GIGYF2: variants seen among roughly 807,000 people sequenced by gnomAD.
The protein encoded by GIGYF2 is GRB10 interacting GYF protein 2.
Under a neutral mutation model 208.1 loss-of-function variants are expected in GIGYF2, and 25 were observed. The observed-to-expected ratio is 0.12, with a 90% CI of 0.09 to 0.17. GIGYF2 has a LOEUF of 0.17. Among genes scored for constraint, GIGYF2 ranks in the 10% least tolerant of loss-of-function variants. GIGYF2 has a pLI of 1.00. For synonymous variants in GIGYF2, 534 were observed against 543.8 expected (o/e 0.98, Z 0.25); for missense variants, 1,302 against 1,579.4 (o/e 0.82, Z 2.98).
intron 2 of GIGYF2, among the ~76,000 whole-genome samples, chr2:232,710,574 TCAAA>T (rs1343479984): frequency 6.6e-6 from 1 of 152,190 alleles, no homozygotes; most frequent in Non-Finnish European, 1.5e-5. Flanking sequence ...AGAGAGGCAG[TCAAA>T]CAATCATTTA....
chr2:232,766,158 C>T (rs1255693515), intron 8 of GIGYF2, among the ~76,000 whole-genome samples: 1 of 152,144 alleles, frequency 6.6e-6, no homozygotes, highest in African/African-American at 2.4e-5. Context: ...AACAGTCCTC[C>T]CAGAAACTTT....
chr2:232,702,397 C>A (rs978824637), intron 1 of GIGYF2, among the ~76,000 whole-genome samples: 1 of 151,668 alleles, frequency 6.6e-6, no homozygotes. Context: ...CCAGATCGTG[C>A]CACTGCACTC....
chr2:232,751,423 C>A (rs1320238591), intron 5 of GIGYF2, among the ~76,000 whole-genome samples: 1 of 152,056 alleles, frequency 6.6e-6, no homozygotes, highest in Non-Finnish European at 1.5e-5. Flanking sequence ...CCATGTTGGT[C>A]AGGCTGGTCT....
chr2:232,767,809 C>T (rs1386742784), intron 8 of GIGYF2: 4 of 256,038 alleles, frequency 1.6e-5, no homozygotes, highest in Non-Finnish European at 3.1e-5. Context: ...TGAAACTAAA[C>T]TGTTGCTTCA....
chr2:232,785,179 G>A (rs77285153), intron 8 of GIGYF2, among the ~76,000 whole-genome samples: 4,790 of 151,880 alleles, frequency 0.032, 97 homozygotes, highest in Non-Finnish European at 0.048. Context: ...CCAGAATATA[G>A]TTCTGACATT....
intron 2 of GIGYF2, among the ~76,000 whole-genome samples, chr2:232,723,726 C>CTTT (rs1559383695): frequency 1.0e-5 from 1 of 95,606 alleles, no homozygotes; most frequent in Non-Finnish European, 2.1e-5. Flanking sequence ...CTGTGCCCGG[C>CTTT]CTTTTTTTTT....
intron 3 of GIGYF2, among the ~76,000 whole-genome samples, chr2:232,737,034 A>C (rs1206212116): frequency 6.6e-6 from 1 of 152,194 alleles, no homozygotes; most frequent in African/African-American, 2.4e-5. Context: ...TTGTAAGTAA[A>C]GTTTCATTGA....
At position 232,816,931 on chromosome 2, in the gene GIGYF2, A is replaced by C; in HGVS notation, c.2269A>C (p.Arg757=). The part of the protein sequence containing the change: ...RAKREEEERK[R]QEELRRQQEE... ...AAAACGGGAAGAGGAAGAGCGAAAG[A>C]GGCAGGAAGAACTCCGAAGACAACA... Residue 757 remains arginine, a synonymous_variant, in exon 20 of 29, where the codon AGG becomes CGG. Transcript: ENST00000373563. The C allele has an allele frequency of 6.2e-7, 1 of 1,612,104 alleles. No individual in the cohort carries two copies. Among genetic ancestry groups the C allele is most frequent in the Non-Finnish European group, 8.5e-7 (1 of 1,178,126 alleles).
intron 3 of GIGYF2, among the ~76,000 whole-genome samples, chr2:232,739,483 G>A (rs753896281): frequency 6.7e-6 from 1 of 149,180 alleles, no homozygotes; most frequent in Non-Finnish European, 1.5e-5. Flanking sequence ...AACAAGCCTC[G>A]GCAACACAGT....
At chr2:232,844,789 A>T (rs1239487883) in intron 25 of GIGYF2, among the ~76,000 whole-genome samples, 1 of 152,210 alleles carries the variant, frequency 6.6e-6, no homozygotes, top group African/African-American at 2.4e-5. Flanking sequence ...CTGAGCACTT[A>T]TTCTATCGCC....
At chr2:232,762,250 G>GT (rs1218496602) in intron 8 of GIGYF2, among the ~76,000 whole-genome samples, 19 of 101,558 alleles carry the variant, frequency 1.9e-4, no homozygotes, top group East Asian at 1.2e-3. Context: ...TTTTTTTTTT[G>GT]TTTTTTTTTG....
Position 232,717,519 on chromosome 2 carries a change from T to G in GIGYF2, c.-44+14030T>G, listed in dbSNP as rs80046625. On this transcript the variant is annotated intron_variant, in intron 2 of 28. Transcript: ENST00000373563. ...TCTCCTCTTCCCATGATGAGTACTT[T>G]CCTGACATCTATCACCATTTATTAT... Among the ~76,000 whole-genome samples, 778 of 152,322 alleles carry G rather than the reference T, an allele frequency of 5.1e-3. 4 individuals carry two copies. The highest frequency in any genetic ancestry group is 0.018 in the African/African-American group (754 of 41,570).
At chr2:232,799,743 A>G (rs1700335105) in intron 14 of GIGYF2, among the ~76,000 whole-genome samples, 1 of 152,118 alleles carries the variant, frequency 6.6e-6, no homozygotes, top group Non-Finnish European at 1.5e-5. Flanking sequence ...ATACCATTTT[A>G]CATTCTCAAA....
chr2:232,771,138 C>T (rs1348552377), intron 8 of GIGYF2: 1 of 1,614,076 alleles, frequency 6.2e-7, no homozygotes, highest in Non-Finnish European at 8.5e-7. Flanking sequence ...CCAGAACATA[C>T]CAGAGCACTG....
intron 2 of GIGYF2, among the ~76,000 whole-genome samples, chr2:232,734,718 G>A (rs899393865): frequency 3.3e-5 from 5 of 152,190 alleles, no homozygotes; most frequent in Non-Finnish European, 5.9e-5. Context: ...TGATAGGTAA[G>A]GAGGGTCCTT....
intron 9 of GIGYF2, chr2:232,788,029 G>A (rs1699968233): frequency 6.5e-6 from 1 of 154,020 alleles, no homozygotes. Context: ...ATAATCAGAT[G>A]CAACTGTAGT....
At chr2:232,799,510 A>G (rs1313240299) in intron 14 of GIGYF2, among the ~76,000 whole-genome samples, 6 of 151,830 alleles carry the variant, frequency 4.0e-5, no homozygotes, top group African/African-American at 1.5e-4. Flanking sequence ...TGATAGCACC[A>G]CTGCACTCCA....
chr2:232,858,559 C>T lies in GIGYF2; in HGVS notation c.*1699C>T, dbSNP rs1690659150. 2.2e-6 allele frequency: 1 copy of T among 456,312 alleles called. No homozygotes were observed. Among genetic ancestry groups the T allele is most frequent in the South Asian group, 1.5e-5 (1 of 64,538 alleles). 28.3% of individuals were successfully genotyped at this position (456,312 alleles called of 1,614,324 possible). A position where few individuals can be genotyped will look rare whatever the true frequency, so the allele number is the denominator to read the frequency against. ...GTTAAAATGTTTACAAAACTTTAGGCTCCCTCGGAACTTTTGCCAGTGTGG... is the reference window on the plus strand; with the variant it reads ...GTTAAAATGTTTACAAAACTTTAGGTTCCCTCGGAACTTTTGCCAGTGTGG... On this transcript the variant is annotated 3_prime_UTR_variant, in exon 29 of 29. Coordinates refer to ENST00000373563, the MANE Select transcript of GIGYF2 (RefSeq NM_001103146.3).
chr2:232,798,158 G>T (rs1351284384), intron 14 of GIGYF2, among the ~76,000 whole-genome samples: 2 of 152,106 alleles, frequency 1.3e-5, no homozygotes, highest in Non-Finnish European at 2.9e-5. Context: ...GAATGGAATG[G>T]AATCACACTT....
Sources: gnomAD v4.1 joint callset for allele counts (sites outside exome capture counted in the v4.1 genomes callset) on GRCh38, gnomAD v4.1.1 for gene constraint, MANE v1.5 for transcripts, NCBI Gene and HGNC (gene_info 2026-07-23, HGNC 2026-07-21) for gene names.